The following ZFR variants were observed in gnomAD, a reference collection of about 807,000 sequenced individuals.
ZFR encodes zinc finger RNA binding protein, also known as zinc finger RNA-binding protein.
In ZFR, 19 loss-of-function variants were observed where a neutral mutation model predicts 130.7. The ratio of observed to expected loss-of-function variants is 0.15; its 90% CI spans 0.10 to 0.21. ZFR has a LOEUF of 0.21. ZFR is among the 10% of genes least tolerant of loss of function. The pLI is 1.00. For missense variants in ZFR, 872 were observed against 1,321.5 expected (o/e 0.66, Z 5.27); for synonymous variants, 466 against 456.9 (o/e 1.02, Z -0.25).
In ZFR at chr5:32,389,961, G is replaced by T. The variant is rs1753126141; in HGVS notation, c.2142+314C>A. Among the ~76,000 whole-genome samples, 2 of 152,194 alleles carry T rather than the reference G, an allele frequency of 1.3e-5. 1 individual carries two copies. The highest frequency in any genetic ancestry group is 4.1e-4 in the South Asian group (2 of 4,832). On this transcript the variant is annotated intron_variant, in intron 12 of 19. Transcript: ENST00000265069. ...AAGTCAGGAGTTCAAGACCAGCCTGGCCAACGTGGCGAAACTCTATCTCTA... is the reference window on the plus strand; with the variant it reads ...AAGTCAGGAGTTCAAGACCAGCCTGTCCAACGTGGCGAAACTCTATCTCTA...
intron 2 of ZFR, among the ~76,000 whole-genome samples, chr5:32,433,348 T>A (rs1754263724): frequency 3.3e-5 from 5 of 152,202 alleles, no homozygotes; most frequent in Admixed American, 3.3e-4. Context: ...AAACCCGAAT[T>A]TTTATTCCAT....
In ZFR at chr5:32,400,119, G is replaced by A. The variant is rs752053959; in HGVS notation, c.1601C>T (p.Ala534Val). 1.9e-6 allele frequency: 3 copies of A among 1,613,572 alleles called. No individual in the cohort carries two copies. The highest frequency in any genetic ancestry group is 1.7e-6 in the Non-Finnish European group (2 of 1,179,628). ...TTGCTTTACTTCAGGAATCTGCACAGCAGAAGTGACAGGAGTACTTTTAAC... is the reference window on the plus strand; with the variant it reads ...TTGCTTTACTTCAGGAATCTGCACAACAGAAGTGACAGGAGTACTTTTAAC... ...ECVKSTPVTSAVQIPEVKQDT... is the reference protein window; with the variant it reads ...ECVKSTPVTSVVQIPEVKQDT... Residue 534 changes from alanine to valine, a missense_variant, in exon 9 of 20, where the codon GCT becomes GTT. Around this residue, in one of 7 missense-constraint regions of ZFR, gnomAD observed 143 missense variants for 137.9 expected, o/e 1.04. Coordinates refer to ENST00000265069, the MANE Select transcript of ZFR (RefSeq NM_016107.5).
intron 2 of ZFR, among the ~76,000 whole-genome samples, chr5:32,435,025 C>T (rs906934838): frequency 1.3e-5 from 2 of 152,188 alleles, no homozygotes; most frequent in East Asian, 1.9e-4. Flanking sequence ...CTCCGGTGAT[C>T]CTCCCACCTC....
At position 32,405,824 on chromosome 5, in the gene ZFR, T is replaced by G. The variant is rs555615752; in HGVS notation, c.1032+950A>C. On this transcript the variant is annotated intron_variant, in intron 6 of 19. Coordinates refer to ENST00000265069, the MANE Select transcript of ZFR (RefSeq NM_016107.5). ...TACTCAAAACAGGGGAAAAGAGGGTTTTATATATCTAGCCACATATATTAA... is the reference window on the plus strand; with the variant it reads ...TACTCAAAACAGGGGAAAAGAGGGTGTTATATATCTAGCCACATATATTAA... 4.1e-4 allele frequency among the ~76,000 whole-genome samples: 63 copies of G among 152,310 alleles called. 1 individual carries two copies. In the South Asian group the frequency reaches 0.013, roughly 31 times the overall value.
At chr5:32,380,533 C>T (rs894089431) in intron 15 of ZFR, 1 of 165,148 alleles carries the variant, frequency 6.1e-6, no homozygotes, top group African/African-American at 2.4e-5. Flanking sequence ...TTGTTCAGTA[C>T]TCTAAATGGT....
At chr5:32,376,908 G>A (rs1230006580) in intron 17 of ZFR, among the ~76,000 whole-genome samples, 1 of 151,514 alleles carries the variant, frequency 6.6e-6, no homozygotes, top group South Asian at 2.1e-4. Flanking sequence ...GAACCCGGGA[G>A]GCAAAGGCTG....
rs1215070082 is a variant in ZFR at position 32,403,514 on chromosome 5, CTA to C, written c.1225-119_1225-118del. On this transcript the variant is annotated intron_variant, in intron 7 of 19. Transcript: ENST00000265069. ...GCTTTTCTTTGTTGTATTTTTTCTG[CTA>C]TATGTTTTTGTATATACACACATAT... is the stretch of plus-strand genomic sequence containing the variant. 3.0e-6 allele frequency: 4 copies of C among 1,343,426 alleles called. No individual in the cohort carries two copies. The African/African-American group carries it at 5.9e-5, about 20-fold the overall frequency. 83.2% of individuals were successfully genotyped at this position (1,343,426 alleles called of 1,614,324 possible).
chr5:32,414,930 A>G (rs1170436931), intron 5 of ZFR, 39 bp downstream of exon 5: 4 of 1,549,946 alleles, frequency 2.6e-6, no homozygotes, highest in Non-Finnish European at 3.5e-6. Flanking sequence ...GTCTCTTCCT[A>G]ATTTGTTTAC....
chr5:32,404,888 G>A (rs1404317564), intron 6 of ZFR, among the ~76,000 whole-genome samples: 1 of 151,896 alleles, frequency 6.6e-6, no homozygotes, highest in African/African-American at 2.4e-5. Context: ...ACAATCTTGG[G>A]TCACCGCAAT....
chr5:32,371,052 C>T (rs1752659786), intron 17 of ZFR, among the ~76,000 whole-genome samples: 1 of 152,190 alleles, frequency 6.6e-6, no homozygotes, highest in African/African-American at 2.4e-5. Context: ...AACTGAAGAT[C>T]TCTTGCCTCC....
At chr5:32,405,042 T>C (rs1357161087) in intron 6 of ZFR, among the ~76,000 whole-genome samples, 1 of 152,116 alleles carries the variant, frequency 6.6e-6, no homozygotes, top group Non-Finnish European at 1.5e-5. Flanking sequence ...GGTCTCAAAC[T>C]CTCTTTTTAA....
rs143728613 is a variant in ZFR at position 32,441,005 on chromosome 5, G to A, written c.137+3224C>T. Among the ~76,000 whole-genome samples, 768 of 152,262 alleles carry A rather than the reference G, an allele frequency of 5.0e-3. 3 individuals carry two copies. The highest frequency in any genetic ancestry group is 8.1e-3 in the Non-Finnish European group (551 of 68,012). ...TGTATTTTATTTTGAGACGGAGTCT[G>A]TCTCTGTTGCCCAGCCAGAGTGTAA... On this transcript the variant is annotated intron_variant, in intron 2 of 19. Transcript: ENST00000265069.
Position 32,355,762 on chromosome 5 carries a change from A to G in ZFR, c.3223T>C (p.Ter1075GlnextTer9). The change falls in exon 20 of 20, where the codon TAA becomes CAA. Residue 1075 changes from the stop codon to glutamine, a stop_lost. Coordinates refer to ENST00000265069, the MANE Select transcript of ZFR (RefSeq NM_016107.5). ...KKDKKDYDNF* is the reference protein window; with the variant it reads ...KKDKKDYDNFQ ...CACTGAAGATTTACAGACACTTTTTAAAAGTTATCATAATCTTTTTTGTCT... is the reference window on the plus strand; with the variant it reads ...CACTGAAGATTTACAGACACTTTTTGAAAGTTATCATAATCTTTTTTGTCT... The G allele has an allele frequency of 6.3e-7, 1 of 1,577,294 alleles. No homozygotes were observed. The highest frequency in any genetic ancestry group is 8.6e-7 in the Non-Finnish European group (1 of 1,166,740).
intron 15 of ZFR, among the ~76,000 whole-genome samples, chr5:32,382,968 A>G (rs1190347750): frequency 2.0e-5 from 3 of 152,230 alleles, no homozygotes. Context: ...CAAAATGCTA[A>G]TTCTTATTCT....
chr5:32,392,713 G>A (rs1362302545), intron 11 of ZFR, among the ~76,000 whole-genome samples: 2 of 152,172 alleles, frequency 1.3e-5, no homozygotes, highest in Non-Finnish European at 2.9e-5. Flanking sequence ...TTCACAATAA[G>A]GCCAGTCGTG....
intron 15 of ZFR, among the ~76,000 whole-genome samples, chr5:32,384,110 T>A (rs1009018753): frequency 3.9e-5 from 6 of 152,194 alleles, no homozygotes; most frequent in Admixed American, 6.5e-5. Flanking sequence ...TAAATTTAAT[T>A]AAGTCTAAAT....
intron 6 of ZFR, among the ~76,000 whole-genome samples, chr5:32,404,578 GA>G (rs1177002104): frequency 6.6e-6 from 1 of 152,104 alleles, no homozygotes; most frequent in Non-Finnish European, 1.5e-5. Context: ...AATACATTTT[GA>G]CATAGAATCT....
chr5:32,357,834 C>T (rs544489860), intron 19 of ZFR, among the ~76,000 whole-genome samples: 1 of 152,270 alleles, frequency 6.6e-6, no homozygotes, highest in African/African-American at 2.4e-5. Context: ...TATCTCAATA[C>T]CACTTTGCTG....
Position 32,406,766 on chromosome 5 carries a change from G to T in ZFR, c.1032+8C>A, listed in dbSNP as rs201550041. On this transcript the variant is annotated splice_region_variant and intron_variant, in intron 6 of 19. Coordinates refer to ENST00000265069, the MANE Select transcript of ZFR (RefSeq NM_016107.5). ...GAAGACTCAAGGTAAAACATACAAC[G>T]TAAGTACCTGTGGTCCAGCACAGCT... 7.5e-6 allele frequency: 12 copies of T among 1,605,824 alleles called. No individual in the cohort carries two copies. The highest frequency in any genetic ancestry group is 1.0e-5 in the Non-Finnish European group (12 of 1,178,012).
Sources: allele counts gnomAD v4.1 joint callset (sites outside exome capture counted in the v4.1 genomes callset), GRCh38; gene constraint gnomAD v4.1.1; regional missense constraint gnomAD v4.1.1; transcripts MANE v1.5; gene names NCBI Gene and HGNC (gene_info 2026-07-23, HGNC 2026-07-21).